PLCL1: variants seen among roughly 807,000 people sequenced by gnomAD.
The protein encoded by PLCL1 is phospholipase C like 1 (inactive).
In PLCL1, 41 loss-of-function variants were observed where a neutral mutation model predicts 84.4. That is an observed-to-expected ratio of 0.49 (90% CI 0.38 to 0.63). PLCL1 has a LOEUF of 0.63. PLCL1 is among the 30% of genes least tolerant of loss of function. The pLI, the probability that PLCL1 is intolerant of heterozygous loss-of-function variation, is 0.00. For synonymous variants in PLCL1, 490 were observed against 488.3 expected (o/e 1.00, Z -0.05); for missense variants, 1,206 against 1,367.8 (o/e 0.88, Z 1.87).
At chr2:197,895,298 T>C (rs1300761294) in intron 1 of PLCL1, among the ~76,000 whole-genome samples, 1 of 151,962 alleles carries the variant, frequency 6.6e-6, no homozygotes, top group Admixed American at 6.6e-5. Flanking sequence ...AAGTAAAAGG[T>C]GCCATTCTAG....
intron 1 of PLCL1, among the ~76,000 whole-genome samples, chr2:197,901,516 G>C (rs1307222200): frequency 6.6e-6 from 1 of 152,120 alleles, no homozygotes; most frequent in Non-Finnish European, 1.5e-5. Flanking sequence ...ATGAGCAGAG[G>C]CATAGAGATC....
intron 1 of PLCL1, among the ~76,000 whole-genome samples, chr2:198,013,105 A>G (rs1216316912): frequency 1.3e-5 from 2 of 152,202 alleles, no homozygotes; most frequent in African/African-American, 4.8e-5. Flanking sequence ...TACCAGATTT[A>G]TAAGTGTTAA....
chr2:197,917,646 A>G (rs1688621571), intron 1 of PLCL1, among the ~76,000 whole-genome samples: 1 of 152,056 alleles, frequency 6.6e-6, no homozygotes, highest in African/African-American at 2.4e-5. Context: ...GGGTTGGGGG[A>G]TCCTAGGATT....
rs913812496 is a variant in PLCL1 at position 198,086,243 on chromosome 2, C to T, written c.2715+11C>T. The T allele has an allele frequency of 2.7e-5, 41 of 1,505,462 alleles. No individual in the cohort carries two copies. Among genetic ancestry groups the T allele is most frequent in the Non-Finnish European group, 3.4e-5 (37 of 1,092,098 alleles). The allele number at this position is 1,505,462 out of a possible 1,614,324, so 93.3% of individuals were successfully genotyped here. On this transcript the variant is annotated intron_variant, in intron 2 of 5. Transcript: ENST00000428675. ...AGAGAAAATATGCAGGTAGGAGAAA[C>T]ACTCACACTCTCCTTCCCTATCCCT... is the stretch of plus-strand genomic sequence containing the variant.
chr2:197,876,873 T>C (rs1447034587), intron 1 of PLCL1, among the ~76,000 whole-genome samples: 1 of 152,200 alleles, frequency 6.6e-6, no homozygotes, highest in Admixed American at 6.5e-5. Context: ...AAATAGGTTA[T>C]GCTATAGATT....
chr2:198,088,870 T>C lies in PLCL1; in HGVS notation c.2728T>C (p.Ser910Pro). The C allele has an allele frequency of 6.2e-7, 1 of 1,605,766 alleles. No individual in the cohort carries two copies. Among genetic ancestry groups the C allele is most frequent in the Non-Finnish European group, 8.5e-7 (1 of 1,172,366 alleles). Residue 910 changes from serine to proline, a missense_variant, in exon 3 of 6, where the codon TCT (serine) becomes CCT (proline). Transcript: ENST00000428675. Reference protein sequence around the residue: ...MRENMQNAIVSIKELCGLPPI... With the variant: ...MRENMQNAIVPIKELCGLPPI... The stretch of plus-strand genomic sequence containing the variant: ...TTCTTCCTCACAGAATGCAATCGTG[T>C]CTATTAAGGAACTATGTGGACTCCC...
chr2:197,914,523 G>A (rs558756817), intron 1 of PLCL1, among the ~76,000 whole-genome samples: 2 of 152,116 alleles, frequency 1.3e-5, no homozygotes, highest in African/African-American at 4.8e-5. Context: ...TAGAGACGGG[G>A]TTTCACAATG....
At chr2:198,091,912 A>G (rs997461529) in intron 3 of PLCL1, among the ~76,000 whole-genome samples, 19 of 149,868 alleles carry the variant, frequency 1.3e-4, no homozygotes, top group Admixed American at 6.6e-4. Context: ...TCCTTGCCCA[A>G]TCTCACTACA....
At chr2:198,122,492 T>A (rs916491204) in intron 5 of PLCL1, among the ~76,000 whole-genome samples, 1 of 152,112 alleles carries the variant, frequency 6.6e-6, no homozygotes, top group Non-Finnish European at 1.5e-5. Context: ...CATAAATATA[T>A]GAAAATGCTT....
chr2:198,058,599 T>G (rs1692119436), intron 1 of PLCL1, among the ~76,000 whole-genome samples: 1 of 151,322 alleles, frequency 6.6e-6, no homozygotes, highest in African/African-American at 2.4e-5. Flanking sequence ...CAATTTTAAT[T>G]ATATTAATAA....
chr2:198,035,096 C>T (rs2105853132), intron 1 of PLCL1, among the ~76,000 whole-genome samples: 1 of 152,210 alleles, frequency 6.6e-6, no homozygotes, highest in African/African-American at 2.4e-5. Context: ...TAATTAATAA[C>T]TATCTTGTGG....
intron 1 of PLCL1, among the ~76,000 whole-genome samples, chr2:198,003,042 T>C (rs2105822286): frequency 6.6e-6 from 1 of 152,244 alleles, no homozygotes; most frequent in African/African-American, 2.4e-5. Flanking sequence ...AAGGAGTAGA[T>C]GGATGTACTG....
In PLCL1 at chr2:197,834,837, G is replaced by C. The variant is rs966600927; in HGVS notation, c.240+29498G>C. ...GGATTGTAAATCATTCTACTGTAAA[G>C]ACACATGCACACGTATGTTTATTGC... On this transcript the variant is annotated intron_variant, in intron 1 of 5. Coordinates refer to ENST00000428675, the MANE Select transcript of PLCL1 (RefSeq NM_006226.4). Among the ~76,000 whole-genome samples, 5 of 152,306 alleles carry C rather than the reference G, an allele frequency of 3.3e-5. No homozygotes were observed. The East Asian group carries it at 9.6e-4, about 29-fold the overall frequency.
chr2:197,869,821 T>C (rs1687616357), intron 1 of PLCL1, among the ~76,000 whole-genome samples: 2 of 152,152 alleles, frequency 1.3e-5, no homozygotes, highest in African/African-American at 4.8e-5. Flanking sequence ...CAGCTCATAG[T>C]AGAAGGTATG....
intron 1 of PLCL1, among the ~76,000 whole-genome samples, chr2:198,030,171 C>T (rs1691377417): frequency 6.6e-6 from 1 of 152,072 alleles, no homozygotes; most frequent in Non-Finnish European, 1.5e-5. Flanking sequence ...CCTTCACCCT[C>T]CACCCTCCAG....
chr2:197,832,847 C>A (rs1691097349), intron 1 of PLCL1, among the ~76,000 whole-genome samples: 1 of 152,248 alleles, frequency 6.6e-6, no homozygotes, highest in African/African-American at 2.4e-5. Flanking sequence ...GCTGGTTCAA[C>A]ATACACAAAT....
In PLCL1 at chr2:197,864,674, A is replaced by G. The variant is rs563766562; in HGVS notation, c.240+59335A>G. Among the ~76,000 whole-genome samples the G allele has an allele frequency of 1.1e-3, 163 of 151,950 alleles. 1 individual carries two copies. The highest frequency in any genetic ancestry group is 2.3e-3 in the Admixed American group (35 of 15,252). On this transcript the variant is annotated intron_variant, in intron 1 of 5. Coordinates refer to ENST00000428675, the MANE Select transcript of PLCL1 (RefSeq NM_006226.4). ...TGTTTTGTAGAGATGGGGTTTCACCATGTTGCCCCGGCTGGCCTTGAACTC... is the reference window on the plus strand; with the variant it reads ...TGTTTTGTAGAGATGGGGTTTCACCGTGTTGCCCCGGCTGGCCTTGAACTC...
At chr2:197,971,714 T>A (rs1689870050) in intron 1 of PLCL1, among the ~76,000 whole-genome samples, 1 of 152,358 alleles carries the variant, frequency 6.6e-6, no homozygotes, top group African/African-American at 2.4e-5. Context: ...ATTCTTTCTC[T>A]GTATGGTGGC....
At chr2:198,104,280 G>A (rs1274883027) in intron 5 of PLCL1, among the ~76,000 whole-genome samples, 1 of 151,984 alleles carries the variant, frequency 6.6e-6, no homozygotes, top group Non-Finnish European at 1.5e-5. Flanking sequence ...TTATAAGTGA[G>A]AATATATAGT....
Sources: gnomAD v4.1 joint callset for allele counts (sites outside exome capture counted in the v4.1 genomes callset) on GRCh38, gnomAD v4.1.1 for gene constraint, MANE v1.5 for transcripts, NCBI Gene and HGNC (gene_info 2026-07-23, HGNC 2026-07-21) for gene names.